The following UBE2N variants were observed in gnomAD, a reference collection of about 807,000 sequenced individuals.
The protein encoded by UBE2N is ubiquitin-conjugating enzyme E2 N.
For synonymous variants in UBE2N, 70 were observed against 69.2 expected (o/e 1.01, Z -0.06); for missense variants, 60 against 192.1 (o/e 0.31, Z 4.07).
At position 93,409,131 on chromosome 12, in the gene UBE2N, GATGCTTT is replaced by G. The variant is rs1293959350; in HGVS notation, c.*901_*907del. The G allele has an allele frequency of 7.2e-5, 11 of 152,594 alleles. No individual in the cohort carries two copies. Among genetic ancestry groups the G allele is most frequent in the African/African-American group, 2.7e-4 (11 of 41,426 alleles). 9.5% of individuals were successfully genotyped at this position (152,594 alleles called of 1,614,324 possible). Reference sequence around the variant, plus strand: ...GAAGGTTAAAAAAAGGTCAGATACTGATGCTTTATGCATGCTCAGGGCCAGTTTATAA... The same window carrying G: ...GAAGGTTAAAAAAAGGTCAGATACTGATGCATGCTCAGGGCCAGTTTATAA... On this transcript the variant is annotated 3_prime_UTR_variant, in exon 4 of 4. Transcript: ENST00000318066.
chr12:93,414,996 C>A (rs185799528), intron 1 of UBE2N, among the ~76,000 whole-genome samples: 1 of 152,038 alleles, frequency 6.6e-6, no homozygotes, highest in Non-Finnish European at 1.5e-5. Flanking sequence ...GGGAAATAAA[C>A]GATCAGAATT....
In UBE2N at chr12:93,425,706, A is replaced by AG. The variant is rs1344986209; in HGVS notation, c.31-14408dup. On this transcript the variant is annotated intron_variant, in intron 1 of 3. Coordinates refer to ENST00000318066, the MANE Select transcript of UBE2N (RefSeq NM_003348.4). ...GTGACTGCAAAGAGCAGGAGTATGCAGAAAAAAAGACTTGCAAGACTCCAA... is the reference window on the plus strand; with the variant it reads ...GTGACTGCAAAGAGCAGGAGTATGCAGGAAAAAAAGACTTGCAAGACTCCAA... Among the ~76,000 whole-genome samples the AG allele has an allele frequency of 5.3e-5, 8 of 152,204 alleles. No homozygotes were observed. The East Asian group carries it at 1.5e-3, about 29-fold the overall frequency.
At chr12:93,440,723 T>C (rs1879074437) in intron 1 of UBE2N, among the ~76,000 whole-genome samples, 2 of 152,152 alleles carry the variant, frequency 1.3e-5, no homozygotes, top group South Asian at 2.1e-4. Flanking sequence ...GCAACTAATT[T>C]CCTTCATAAA....
intron 1 of UBE2N, among the ~76,000 whole-genome samples, chr12:93,437,751 T>G (rs986190843): frequency 3.3e-5 from 5 of 152,184 alleles, no homozygotes; most frequent in Admixed American, 2.0e-4. Context: ...ATTGCACCAC[T>G]GCACTCCAGC....
intron 1 of UBE2N, among the ~76,000 whole-genome samples, chr12:93,440,736 C>T (rs1183096625): frequency 6.6e-6 from 1 of 152,160 alleles, no homozygotes; most frequent in Admixed American, 6.5e-5. Context: ...TTCATAAAAA[C>T]CGACACAAAA....
chr12:93,423,650 C>T (rs1437805502), intron 1 of UBE2N, among the ~76,000 whole-genome samples: 1 of 152,110 alleles, frequency 6.6e-6, no homozygotes, highest in African/African-American at 2.4e-5. Context: ...GATATGTGAC[C>T]ACAGACAAAT....
intron 1 of UBE2N, among the ~76,000 whole-genome samples, chr12:93,414,465 A>G (rs1378268210): frequency 1.3e-5 from 2 of 151,706 alleles, no homozygotes; most frequent in Non-Finnish European, 2.9e-5. Context: ...AAAAAAAAAA[A>G]AAAAAAGTCA....
intron 1 of UBE2N, among the ~76,000 whole-genome samples, chr12:93,434,062 G>A (rs1165983940): frequency 2.0e-5 from 3 of 152,194 alleles, no homozygotes; most frequent in Non-Finnish European, 4.4e-5. Flanking sequence ...GGAGGCCGAG[G>A]TGGGTGGATC....
chr12:93,423,101 T>C (rs1878468402), intron 1 of UBE2N, among the ~76,000 whole-genome samples: 1 of 152,200 alleles, frequency 6.6e-6, no homozygotes, highest in South Asian at 2.1e-4. Flanking sequence ...AGAGTTCTAG[T>C]GGTAGCATTC....
At chr12:93,428,686 A>G (rs1878663212) in intron 1 of UBE2N, among the ~76,000 whole-genome samples, 1 of 152,254 alleles carries the variant, frequency 6.6e-6, no homozygotes, top group African/African-American at 2.4e-5. Flanking sequence ...TGGGCTGGCA[A>G]TGTTAAATTT....
At position 93,407,421 on chromosome 12, in the gene UBE2N, TG is replaced by T. The variant is rs1185993437; in HGVS notation, c.*2617del. On this transcript the variant is annotated 3_prime_UTR_variant, in exon 4 of 4. Transcript: ENST00000318066. ...CTAGTGGGCAAACATGAAACACTTT[TG>T]TTGAATAATGTGTTTCCTTTAGCCC... is the stretch of plus-strand genomic sequence containing the variant. 6.6e-6 allele frequency: 1 copy of T among 152,244 alleles called. No homozygotes were observed. Among genetic ancestry groups the T allele is most frequent in the Non-Finnish European group, 1.5e-5 (1 of 68,066 alleles). The allele number at this position is 152,244 out of a possible 1,614,324, so 9.4% of individuals were successfully genotyped here. A position where few individuals can be genotyped will look rare whatever the true frequency, so the allele number is the denominator to read the frequency against.
intron 1 of UBE2N, among the ~76,000 whole-genome samples, chr12:93,425,735 G>C (rs1426964306): frequency 6.6e-6 from 1 of 152,148 alleles, no homozygotes; most frequent in African/African-American, 2.4e-5. Context: ...ACTCCAAACC[G>C]AATCTTTACA....
intron 1 of UBE2N, among the ~76,000 whole-genome samples, chr12:93,439,953 T>C (rs1430114071): frequency 6.6e-6 from 1 of 152,228 alleles, no homozygotes; most frequent in Non-Finnish European, 1.5e-5. Context: ...GCCAAATGGA[T>C]TGAATCATGA....
intron 1 of UBE2N, among the ~76,000 whole-genome samples, chr12:93,418,687 TAA>T (rs1341778151): frequency 3.3e-5 from 5 of 151,810 alleles, no homozygotes; most frequent in Non-Finnish European, 7.4e-5. Flanking sequence ...AACAGAAATA[TAA>T]TACAAGCCAC....
intron 1 of UBE2N, among the ~76,000 whole-genome samples, chr12:93,411,861 T>G (rs1878041101): frequency 6.6e-6 from 1 of 152,012 alleles, no homozygotes. Context: ...ACCTAGCTAA[T>G]TTTTGTATTT....
chr12:93,440,163 T>C (rs929858643), intron 1 of UBE2N, among the ~76,000 whole-genome samples: 24 of 152,224 alleles, frequency 1.6e-4, no homozygotes, highest in African/African-American at 5.8e-4. Flanking sequence ...ACTTAGTCAA[T>C]AACCTAAGTA....
At chr12:93,411,344 G>C in intron 1 of UBE2N, 45 bp from the exon 2 acceptor site, 1 of 1,549,324 alleles carries the variant, frequency 6.5e-7, no homozygotes, top group South Asian at 1.3e-5. Flanking sequence ...ATGTCATTTT[G>C]CTAGACACCA....
chr12:93,410,137 C>T, intron 3 of UBE2N, 58 bp from the exon 4 acceptor site: 1 of 1,533,486 alleles, frequency 6.5e-7, no homozygotes, highest in Middle Eastern at 1.7e-4. Context: ...TGTTACTTTC[C>T]AAACTATAAA....
chr12:93,424,687 T>C (rs1878524686), intron 1 of UBE2N, among the ~76,000 whole-genome samples: 1 of 152,190 alleles, frequency 6.6e-6, no homozygotes, highest in Admixed American at 6.5e-5. Context: ...CCTCTTGAAG[T>C]TATACAGTGA....
Sources: allele counts gnomAD v4.1 joint callset (sites outside exome capture counted in the v4.1 genomes callset), GRCh38; gene constraint gnomAD v4.1.1; transcripts MANE v1.5; gene names NCBI Gene and HGNC (gene_info 2026-07-23, HGNC 2026-07-21).